GMDS: variants seen among roughly 807,000 people sequenced by gnomAD.
GMDS encodes the protein GDP-mannose 4,6 dehydratase.
Under a neutral mutation model 49.9 loss-of-function variants are expected in GMDS, and 20 were observed. That is an observed-to-expected ratio of 0.40 (90% CI 0.28 to 0.58). The LOEUF is 0.58. GMDS is among the 20% of genes least tolerant of loss of function. GMDS has a pLI of 0.42. For synonymous variants in GMDS, 177 were observed against 178.6 expected, an observed-to-expected ratio of 0.99 and a Z score of 0.07; for missense variants, 362 against 481.4, an observed-to-expected ratio of 0.75 and a Z score of 2.32.
intron 7 of GMDS, among the ~76,000 whole-genome samples, chr6:1,889,376 A>G (rs1054943949): frequency 6.6e-6 from 1 of 151,572 alleles, no homozygotes. Context: ...TTATCTCTCA[A>G]TCATTCTTCT....
At chr6:1,999,925 T>C (rs1766565575) in intron 4 of GMDS, among the ~76,000 whole-genome samples, 1 of 85,502 alleles carries the variant, frequency 1.2e-5, no homozygotes, top group South Asian at 3.4e-4. Context: ...ATATACATAT[T>C]ATATATTATT....
intron 4 of GMDS, among the ~76,000 whole-genome samples, chr6:2,045,183 T>C (rs1476790475): frequency 2.0e-5 from 3 of 152,090 alleles, no homozygotes; most frequent in Non-Finnish European, 4.4e-5. Context: ...TCTTTTATCA[T>C]GTTAAAAAGT....
At chr6:1,879,366 C>T (rs748878300) in intron 7 of GMDS, among the ~76,000 whole-genome samples, 13 of 152,138 alleles carry the variant, frequency 8.5e-5, no homozygotes, top group East Asian at 1.9e-4. Context: ...ATGCACCCCT[C>T]GCATAGGGTG....
intron 7 of GMDS, among the ~76,000 whole-genome samples, chr6:1,743,175 T>C (rs1399979652): frequency 6.6e-6 from 1 of 152,148 alleles, no homozygotes; most frequent in Non-Finnish European, 1.5e-5. Flanking sequence ...AAAAAAGCTG[T>C]CTGAGAGGCA....
intron 1 of GMDS, among the ~76,000 whole-genome samples, chr6:2,240,181 T>C (rs1231109602): frequency 6.6e-6 from 1 of 152,258 alleles, no homozygotes; most frequent in Non-Finnish European, 1.5e-5. Context: ...TATAGCCTTG[T>C]GGTTGATTCC....
chr6:2,131,260 T>G (rs1426319059), intron 1 of GMDS, among the ~76,000 whole-genome samples: 1 of 152,192 alleles, frequency 6.6e-6, no homozygotes, highest in East Asian at 1.9e-4. Context: ...TTCTATAATT[T>G]AGGCAAACTC....
At chr6:1,878,080 G>T (rs544564842) in intron 7 of GMDS, among the ~76,000 whole-genome samples, 1 of 152,056 alleles carries the variant, frequency 6.6e-6, no homozygotes, top group African/African-American at 2.4e-5. Context: ...CTGGGAGGCC[G>T]AGGTGGGCAG....
At chr6:1,633,580 G>A (rs1763060096) in intron 9 of GMDS, among the ~76,000 whole-genome samples, 2 of 152,184 alleles carry the variant, frequency 1.3e-5, no homozygotes. Flanking sequence ...GGCGGGGAAG[G>A]CCTTCCACAG....
At chr6:2,154,428 C>T (rs1024094895) in intron 1 of GMDS, among the ~76,000 whole-genome samples, 1 of 151,868 alleles carries the variant, frequency 6.6e-6, no homozygotes, top group Non-Finnish European at 1.5e-5. Context: ...AACTAACATA[C>T]AAAAAGTAAT....
Position 2,039,767 on chromosome 6 carries a change from T to C in GMDS, c.345+76004A>G, listed in dbSNP as rs1769541834. Among the ~76,000 whole-genome samples, 3 of 152,122 alleles carry C rather than the reference T, an allele frequency of 2.0e-5. No homozygotes were observed. The South Asian group carries it at 6.2e-4, about 31-fold the overall frequency. On this transcript the variant is annotated intron_variant, in intron 4 of 10. Transcript: ENST00000380815. ...CCTATGATAACACCTTCTTCTGAAA[T>C]CCCTTTTGAAAGACCCGCCTAAAGC...
intron 7 of GMDS, among the ~76,000 whole-genome samples, chr6:1,846,220 G>A (rs1012354812): frequency 2.0e-5 from 3 of 151,542 alleles, no homozygotes; most frequent in Non-Finnish European, 2.9e-5. Context: ...AGCCTCCCAA[G>A]TAGTGGGGGC....
At chr6:2,000,013 T>TATATATATATA (rs1561962167) in intron 4 of GMDS, among the ~76,000 whole-genome samples, 1 of 10,202 alleles carries the variant, frequency 9.8e-5, no homozygotes, top group East Asian at 2.1e-3. Context: ...TATATATTTT[T>TATATATATATA]TATATATATA....
chr6:1,777,861 T>C (rs1487813727), intron 7 of GMDS, among the ~76,000 whole-genome samples: 1 of 152,174 alleles, frequency 6.6e-6, no homozygotes, highest in South Asian at 2.1e-4. Flanking sequence ...TTAAACCTGT[T>C]AAAGAAGCAA....
At chr6:1,915,381 A>G (rs1201558093) in intron 7 of GMDS, among the ~76,000 whole-genome samples, 4 of 152,174 alleles carry the variant, frequency 2.6e-5, no homozygotes, top group Non-Finnish European at 5.9e-5. Context: ...TGAGGAGGGC[A>G]TCTGCAGAGG....
chr6:1,780,149 C>T (rs562442027), intron 7 of GMDS, among the ~76,000 whole-genome samples: 50 of 152,326 alleles, frequency 3.3e-4, no homozygotes, highest in Admixed American at 5.2e-4. Flanking sequence ...CTGGCTTATA[C>T]GTAAAGATAC....
At chr6:2,022,661 G>C (rs1768348631) in intron 4 of GMDS, among the ~76,000 whole-genome samples, 1 of 152,176 alleles carries the variant, frequency 6.6e-6, no homozygotes, top group Non-Finnish European at 1.5e-5. Context: ...CAAGGTTCTA[G>C]TGCACAGAAT....
rs142341438 is a variant in GMDS at position 1,872,726 on chromosome 6, C to T, written c.771+57377G>A. ...GGCTGTTTGTGGCAATTTATAGATG[C>T]GCTCAAGCTGTCCCAGCACTTCAAA... is the stretch of plus-strand genomic sequence containing the variant. On this transcript the variant is annotated intron_variant, in intron 7 of 10. Coordinates refer to ENST00000380815, the MANE Select transcript of GMDS (RefSeq NM_001500.4). Among the ~76,000 whole-genome samples, 33 of 152,376 alleles carry T rather than the reference C, an allele frequency of 2.2e-4. No homozygotes were observed. In the Middle Eastern group the frequency reaches 0.01, roughly 47 times the overall value.
chr6:1,863,062 G>GA (rs1758269814), intron 7 of GMDS, among the ~76,000 whole-genome samples: 1 of 152,066 alleles, frequency 6.6e-6, no homozygotes, highest in African/African-American at 2.4e-5. Flanking sequence ...TTATCCTGCA[G>GA]AAAAAAGAAG....
At chr6:1,999,959 T>TA (rs1207388926) in intron 4 of GMDS, among the ~76,000 whole-genome samples, 1 of 12,522 alleles carries the variant, frequency 8.0e-5, no homozygotes, top group African/African-American at 2.1e-4. Flanking sequence ...AATATGTATA[T>TA]TATATATATA....
Sources: gnomAD v4.1 joint callset for allele counts (sites outside exome capture counted in the v4.1 genomes callset) on GRCh38, gnomAD v4.1.1 for gene constraint, MANE v1.5 for transcripts, NCBI Gene and HGNC (gene_info 2026-07-23, HGNC 2026-07-21) for gene names.